Variants in DIS3L2 observed in about 807,000 individuals in gnomAD.
DIS3L2 encodes the protein DIS3 like 3'-5' exoribonuclease 2, also known as DIS3-like exonuclease 2.
Under a neutral mutation model 97.5 loss-of-function variants are expected in DIS3L2, and 34 were observed. The observed-to-expected ratio is 0.35, with a 90% CI of 0.27 to 0.46. The LOEUF (loss-of-function observed/expected upper bound fraction) is 0.46. DIS3L2 is among the 20% of genes least tolerant of loss of function. DIS3L2 has a pLI of 1.00. For missense variants in DIS3L2, 1,038 were observed against 1,146.0 expected, an observed-to-expected ratio of 0.91 and a Z score of 1.36; for synonymous variants, 435 against 445.2, an observed-to-expected ratio of 0.98 and a Z score of 0.29.
intron 3 of DIS3L2, among the ~76,000 whole-genome samples, chr2:232,016,913 C>T (rs1344298831): frequency 3.5e-4 from 49 of 140,514 alleles, no homozygotes; most frequent in African/African-American, 1.2e-3. Flanking sequence ...TCCCTCCCTC[C>T]CTCCCTCTCT....
intron 9 of DIS3L2, among the ~76,000 whole-genome samples, chr2:232,183,677 C>T (rs1201812355): frequency 2.0e-5 from 3 of 152,206 alleles, no homozygotes; most frequent in Non-Finnish European, 2.9e-5. Flanking sequence ...TTCTTGTTGA[C>T]CAGTACTTTA....
At chr2:232,184,288 C>G (rs981761376) in intron 9 of DIS3L2, among the ~76,000 whole-genome samples, 1 of 152,122 alleles carries the variant, frequency 6.6e-6, no homozygotes, top group Non-Finnish European at 1.5e-5. Flanking sequence ...TAAAAGAAGA[C>G]AGTGTCCTGC....
intron 5 of DIS3L2, among the ~76,000 whole-genome samples, chr2:232,071,175 T>C (rs921744098): frequency 1.3e-5 from 2 of 152,184 alleles, no homozygotes; most frequent in Non-Finnish European, 2.9e-5. Context: ...TTCTGTACTG[T>C]ATCACAAAGA....
intron 5 of DIS3L2, among the ~76,000 whole-genome samples, chr2:232,056,100 A>G (rs1413565779): frequency 2.0e-5 from 3 of 152,136 alleles, no homozygotes; most frequent in African/African-American, 7.2e-5. Context: ...GCCAGGCGTG[A>G]TGCCTTATAC....
chr2:232,136,705 C>T lies in DIS3L2; in HGVS notation c.936C>T (p.Cys312=). Residue 312 remains cysteine (C), a synonymous_variant, in exon 8 of 21, where the codon TGC becomes TGT. Coordinates refer to ENST00000325385, the MANE Select transcript of DIS3L2 (RefSeq NM_152383.5). Reference sequence around the variant, plus strand: ...GCATTGTGGACTGGAAGGAGGACTGCAATTTTGCCCTGGGGTAGGTGATCT... The same window carrying T: ...GCATTGTGGACTGGAAGGAGGACTGTAATTTTGCCCTGGGGTAGGTGATCT... The part of the protein sequence containing the change: ...ICRIVDWKED[C]NFALGQLAKS... 6.2e-7 allele frequency: 1 copy of T among 1,613,784 alleles called. No individual in the cohort carries two copies. Among genetic ancestry groups the T allele is most frequent in the Non-Finnish European group, 8.5e-7 (1 of 1,179,802 alleles).
chr2:232,331,100 G>A (rs912917903), intron 16 of DIS3L2, among the ~76,000 whole-genome samples: 12 of 152,234 alleles, frequency 7.9e-5, no homozygotes, highest in African/African-American at 2.9e-4. Context: ...GTCCCATGTG[G>A]TTTCCTGTCC....
chr2:232,046,458 C>T (rs1221932012), intron 5 of DIS3L2, among the ~76,000 whole-genome samples: 1 of 152,184 alleles, frequency 6.6e-6, no homozygotes, highest in Non-Finnish European at 1.5e-5. Flanking sequence ...AGTAGGTCTT[C>T]TTTGCTCTTA....
chr2:232,070,342 TTTTG>T (rs146760968), intron 5 of DIS3L2, among the ~76,000 whole-genome samples: 81,262 of 151,428 alleles, frequency 0.54, 23,291 homozygotes, highest in East Asian at 0.69. Flanking sequence ...CTTCCTGCCT[TTTTG>T]TTTGTTTGTT....
intron 9 of DIS3L2, among the ~76,000 whole-genome samples, chr2:232,205,211 CATATATATATATATAT>C (rs57163508): frequency 1.4e-5 from 2 of 140,560 alleles, no homozygotes; most frequent in African/African-American, 5.3e-5. Flanking sequence ...AGGCAGTTTA[CATATATATATATATAT>C]ATATATATAT....
intron 5 of DIS3L2, among the ~76,000 whole-genome samples, chr2:232,081,666 A>G (rs897852943): frequency 6.6e-6 from 1 of 152,218 alleles, no homozygotes; most frequent in African/African-American, 2.4e-5. Flanking sequence ...TCCTTTAGAC[A>G]AGACACTAGT....
At chr2:232,321,994 G>A (rs1410050483) in intron 14 of DIS3L2, among the ~76,000 whole-genome samples, 3 of 152,218 alleles carry the variant, frequency 2.0e-5, no homozygotes, top group Non-Finnish European at 4.4e-5. Flanking sequence ...GGTTCAGATG[G>A]GTGACCCTGG....
intron 1 of DIS3L2, among the ~76,000 whole-genome samples, chr2:232,001,886 A>G (rs1410010210): frequency 1.3e-5 from 2 of 151,536 alleles, no homozygotes; most frequent in East Asian, 3.9e-4. Flanking sequence ...TGACCAGCAA[A>G]TTTTTGTATT....
intron 10 of DIS3L2, among the ~76,000 whole-genome samples, chr2:232,227,424 G>A (rs1692679767): frequency 6.6e-6 from 1 of 152,198 alleles, no homozygotes; most frequent in Non-Finnish European, 1.5e-5. Context: ...GCGTCTCATA[G>A]CATTGGAAGA....
intron 5 of DIS3L2, among the ~76,000 whole-genome samples, chr2:232,059,186 C>A (rs1433425375): frequency 1.3e-5 from 2 of 152,148 alleles, no homozygotes; most frequent in Non-Finnish European, 2.9e-5. Flanking sequence ...ATTCTTGCAA[C>A]AGCATAAACT....
chr2:232,243,069 A>T (rs1693147940), intron 11 of DIS3L2, among the ~76,000 whole-genome samples: 1 of 152,194 alleles, frequency 6.6e-6, no homozygotes, highest in South Asian at 2.1e-4. Flanking sequence ...CCCAAAGGTG[A>T]GGAGGTGTTA....
In DIS3L2 at chr2:232,176,698, C is replaced by A. The variant is rs867219705; in HGVS notation, c.1124+13066C>A. ...CCGCCTTCCAGGCTCAAGTAATCCT[C>A]TTACCTCAGCCTACCAAGTACCTGG... On this transcript the variant is annotated intron_variant, in intron 9 of 20. Coordinates refer to ENST00000325385, the MANE Select transcript of DIS3L2 (RefSeq NM_152383.5). 4.6e-5 allele frequency among the ~76,000 whole-genome samples: 7 copies of A among 151,644 alleles called. 1 individual carries two copies. The South Asian group carries it at 1.5e-3, about 31-fold the overall frequency.
chr2:232,275,108 C>G (rs1360531863), intron 13 of DIS3L2, among the ~76,000 whole-genome samples: 1 of 152,124 alleles, frequency 6.6e-6, no homozygotes. Context: ...CATTTGATCC[C>G]CGCAACCCTA....
chr2:232,056,986 A>G (rs944299959), intron 5 of DIS3L2, among the ~76,000 whole-genome samples: 1 of 152,200 alleles, frequency 6.6e-6, no homozygotes, highest in African/African-American at 2.4e-5. Flanking sequence ...TAGGAATATT[A>G]TATAAAATAG....
intron 9 of DIS3L2, among the ~76,000 whole-genome samples, chr2:232,191,733 G>C (rs529369277): frequency 6.6e-6 from 1 of 152,314 alleles, no homozygotes; most frequent in South Asian, 2.1e-4. Flanking sequence ...GGAGAATCAA[G>C]AGTTTCAAAT....
Sources: allele counts gnomAD v4.1 joint callset (sites outside exome capture counted in the v4.1 genomes callset), GRCh38; gene constraint gnomAD v4.1.1; transcripts MANE v1.5; gene names NCBI Gene and HGNC (gene_info 2026-07-23, HGNC 2026-07-21).